The following NCSTN variants were observed in gnomAD, a reference collection of about 807,000 sequenced individuals.
The protein encoded by NCSTN is anterior pharynx-defective 2.
A neutral mutation model predicts 87.0 loss-of-function variants in NCSTN; 22 were observed. The ratio of observed to expected loss-of-function variants is 0.25; its 90% confidence interval spans 0.18 to 0.36. NCSTN has a LOEUF of 0.36. Among genes scored for constraint, NCSTN ranks in the 10% least tolerant of loss-of-function variants. The pLI is 1.00. For missense variants in NCSTN, 693 were observed against 883.3 expected (o/e 0.78, Z 2.73); for synonymous variants, 306 against 327.1 (o/e 0.94, Z 0.69).
chr1:160,353,116 A>G (rs1206340339), intron 9 of NCSTN, 44 bp from the exon 10 acceptor site: 1 of 1,605,514 alleles, frequency 6.2e-7, no homozygotes, highest in Non-Finnish European at 8.5e-7. Flanking sequence ...ATGGCCCAGA[A>G]CAGGAGACTG....
chr1:160,357,342 T>C (rs557108796), intron 16 of NCSTN, 89 bp downstream of exon 16: 67 of 1,318,570 alleles, frequency 5.1e-5, no homozygotes, highest in Non-Finnish European at 7.0e-5. Context: ...CATCTCCCAT[T>C]TGCCCCACAT....
intron 1 of NCSTN, 67 bp downstream of exon 1, chr1:160,343,548 G>A (rs981972407): frequency 1.4e-6 from 2 of 1,430,484 alleles, no homozygotes; most frequent in Non-Finnish European, 1.9e-6. Context: ...CGCCGCGACC[G>A]CCACTGTCTC....
chr1:160,357,001 G>C, intron 15 of NCSTN, 40 bp from the exon 16 acceptor site: 1 of 1,561,756 alleles, frequency 6.4e-7, no homozygotes, highest in Non-Finnish European at 8.8e-7. Context: ...GTGAGAAGAG[G>C]ATCACCCTAG....
rs201061084 is a variant in NCSTN at position 160,356,641 on chromosome 1, A to G, written c.1681A>G (p.Thr561Ala). 1.9e-6 allele frequency: 3 copies of G among 1,614,070 alleles called. No individual in the cohort carries two copies. In the East Asian group the frequency reaches 6.7e-5, roughly 36 times the overall value. The stretch of plus-strand genomic sequence containing the variant: ...ACATTACATCGCTGTCTCCAGCCCC[A>G]CCAACACCACTTATGTTGTACAGTA... Reference protein sequence around the residue: ...LQHYIAVSSPTNTTYVVQYAL... With the variant: ...LQHYIAVSSPANTTYVVQYAL... The change falls in exon 15 of 17, where the codon ACC becomes GCC. Residue 561 changes from threonine to alanine, a missense_variant. Around this residue, in one of 4 missense-constraint regions of NCSTN, gnomAD observed 216 missense variants for 311.7 expected, o/e 0.69. Coordinates refer to ENST00000294785, the MANE Select transcript of NCSTN (RefSeq NM_015331.3).
intron 16 of NCSTN, 141 bp from the exon 17 acceptor site, chr1:160,358,008 T>C (rs1026792043): frequency 5.8e-6 from 6 of 1,032,330 alleles, no homozygotes; most frequent in Admixed American, 1.7e-5. Context: ...GCTGGAGAGA[T>C]GTTGCCCATG....
intron 10 of NCSTN, 63 bp downstream of exon 10, chr1:160,353,300 G>T: frequency 6.2e-7 from 1 of 1,611,594 alleles, no homozygotes; most frequent in East Asian, 2.2e-5. Context: ...CCCAACCCCT[G>T]CCCTGTTTCC....
intron 1 of NCSTN, chr1:160,343,785 C>A (rs763589352): frequency 4.7e-6 from 3 of 636,842 alleles, no homozygotes; most frequent in South Asian, 1.5e-5. Context: ...CCACCCACCC[C>A]ACAGTCGAAA....
At chr1:160,358,111 A>G in intron 16 of NCSTN, 38 bp from the exon 17 acceptor site, 2 of 1,614,096 alleles carry the variant, frequency 1.2e-6, no homozygotes, top group Non-Finnish European at 1.7e-6. Flanking sequence ...GAGTTCTGAG[A>G]ATGCCTTTGT....
chr1:160,358,067 C>G, intron 16 of NCSTN, 82 bp from the exon 17 acceptor site: 3 of 1,600,510 alleles, frequency 1.9e-6, no homozygotes, highest in African/African-American at 1.3e-5. Flanking sequence ...TCCCATGGCT[C>G]CAAACCCCAA....
chr1:160,356,947 T>C, intron 15 of NCSTN, 94 bp from the exon 16 acceptor site: 2 of 1,403,306 alleles, frequency 1.4e-6, no homozygotes, highest in South Asian at 2.3e-5. Flanking sequence ...GCCAGTTAGC[T>C]CAATTGGTTA....
intron 6 of NCSTN, 127 bp from the exon 7 acceptor site, chr1:160,351,569 C>T (rs6664438): frequency 0.047 from 58,629 of 1,240,720 alleles, 1,472 homozygotes; most frequent in Non-Finnish European, 0.051. Context: ...AAGCCAACCT[C>T]GGACTGTTGG....
chr1:160,354,316 T>A, intron 11 of NCSTN, 26 bp downstream of exon 11: 3 of 1,611,968 alleles, frequency 1.9e-6, no homozygotes, highest in Non-Finnish European at 2.5e-6. Flanking sequence ...CCCTGCACCC[T>A]CTTCATTCTT....
intron 13 of NCSTN, 89 bp from the exon 14 acceptor site, chr1:160,356,171 C>T (rs925813582): frequency 8.0e-6 from 10 of 1,249,408 alleles, no homozygotes; most frequent in Non-Finnish European, 1.2e-5. Context: ...AGTCTGGTTC[C>T]TGCCCCATGA....
intron 16 of NCSTN, among the ~76,000 whole-genome samples, chr1:160,357,588 G>C (rs950380869): frequency 6.6e-6 from 1 of 152,092 alleles, no homozygotes; most frequent in Non-Finnish European, 1.5e-5. Flanking sequence ...TTTATTTTTA[G>C]TAGAGATGGG....
At chr1:160,350,418 C>G (rs991477068) in intron 5 of NCSTN, among the ~76,000 whole-genome samples, 168 bp downstream of exon 5, 2 of 146,930 alleles carry the variant, frequency 1.4e-5, no homozygotes, top group African/African-American at 5.1e-5. Flanking sequence ...CACCATTGCA[C>G]TCCAGCCTGG....
chr1:160,350,577 ATT>A (rs1165127025), intron 5 of NCSTN, among the ~76,000 whole-genome samples: 1 of 152,154 alleles, frequency 6.6e-6, no homozygotes, highest in Non-Finnish European at 1.5e-5. Context: ...TTCTTCTCAC[ATT>A]CTTTCCCCAC....
intron 9 of NCSTN, 49 bp downstream of exon 9, chr1:160,353,040 C>G (rs1358399571): frequency 3.8e-6 from 6 of 1,589,562 alleles, no homozygotes; most frequent in Non-Finnish European, 5.2e-6. Flanking sequence ...AATCTTCCTC[C>G]TTTGTTGTTC....
intron 2 of NCSTN, among the ~76,000 whole-genome samples, chr1:160,347,719 C>T (rs570667126): frequency 1.3e-5 from 2 of 152,336 alleles, no homozygotes; most frequent in Admixed American, 1.3e-4. Context: ...AAGCAATTCT[C>T]CTGCCTCAGC....
rs1421673428 is a variant in NCSTN, at chr1:160,355,844, C to G, written c.1456-19C>G. On this transcript the variant is annotated intron_variant, in intron 12 of 16. Transcript: ENST00000294785. ...GATAGGAGAGGTGGGCCATTCAGCC[C>G]CCTCCTCACCTACCACAGGCCCTGG... 6.2e-7 allele frequency: 1 copy of G among 1,612,008 alleles called. No individual in the cohort carries two copies. The highest frequency in any genetic ancestry group is 1.7e-5 in the Admixed American group (1 of 60,014).
Sources: gnomAD v4.1 joint callset for allele counts (sites outside exome capture counted in the v4.1 genomes callset) on GRCh38, gnomAD v4.1.1 for gene constraint, gnomAD v4.1.1 regional missense constraint, MANE v1.5 for transcripts, NCBI Gene and HGNC (gene_info 2026-07-23, HGNC 2026-07-21) for gene names.